THAP9: variants seen among roughly 807,000 people sequenced by gnomAD.
THAP9 encodes THAP domain containing 9.
Under a neutral mutation model 35.7 loss-of-function variants are expected in THAP9, and 20 were observed. The observed-to-expected ratio is 0.56, with a 90% CI of 0.39 to 0.81. The LOEUF (loss-of-function observed/expected upper bound fraction) is 0.81, where lower values mean the gene tolerates loss of function less well. THAP9 is among the 40% of genes least tolerant of loss of function. The pLI, the probability that THAP9 is intolerant of heterozygous loss-of-function variation, is 0.00. For missense variants in THAP9, 870 were observed against 1,047.4 expected (o/e 0.83, Z 2.34); for synonymous variants, 335 against 373.7 (o/e 0.90, Z 1.19).
intron 1 of THAP9, 173 bp downstream of exon 1, chr4:82,901,055 A>T: frequency 1.3e-6 from 1 of 793,910 alleles, no homozygotes; most frequent in East Asian, 2.7e-5. Flanking sequence ...GAGAATTGAG[A>T]TTCTCTCTCT....
chr4:82,917,865 G>T lies in THAP9; in HGVS notation c.1653G>T (p.Lys551Asn). 2 of 1,613,270 alleles carry T rather than the reference G, an allele frequency of 1.2e-6. No individual in the cohort carries two copies. The highest frequency in any genetic ancestry group is 1.7e-6 in the Non-Finnish European group (2 of 1,179,880). The change falls in exon 5 of 5, where the codon AAG (lysine) becomes AAT (asparagine). Residue 551 changes from lysine (K) to asparagine (N), a missense_variant. Transcript: ENST00000302236. ...SKINHVLIEA[K>N]TIFVTLSDTS... ...TAAACCACGTGTTAATTGAAGCCAA[G>T]ACTATTTTTGTTACATTATCTGACA...
intron 1 of THAP9, among the ~76,000 whole-genome samples, chr4:82,901,615 G>C (rs1720382591): frequency 6.6e-6 from 1 of 152,042 alleles, no homozygotes; most frequent in Non-Finnish European, 1.5e-5. Flanking sequence ...CAAATATAGA[G>C]GAGTGGAAAA....
At chr4:82,903,089 A>G (rs1211559469) in intron 1 of THAP9, among the ~76,000 whole-genome samples, 1 of 152,250 alleles carries the variant, frequency 6.6e-6, no homozygotes, top group East Asian at 1.9e-4. Flanking sequence ...CAGTTCTAGT[A>G]ACTATGTGTT....
intron 4 of THAP9, among the ~76,000 whole-genome samples, chr4:82,909,772 G>A (rs915680517): frequency 5.3e-5 from 8 of 151,866 alleles, no homozygotes; most frequent in African/African-American, 1.7e-4. Flanking sequence ...TTCACTTTTT[G>A]CTAAGCAAGA....
intron 3 of THAP9, among the ~76,000 whole-genome samples, chr4:82,907,376 G>A (rs1034237068): frequency 3.3e-5 from 5 of 151,692 alleles, no homozygotes; most frequent in Admixed American, 6.6e-5. Flanking sequence ...CTTGATATTA[G>A]GCAAGATGGT....
In THAP9 at chr4:82,917,843, A is replaced by G. The variant is rs1239424500; in HGVS notation, c.1631A>G (p.Asn544Ser). 1.9e-6 allele frequency: 3 copies of G among 1,613,358 alleles called. No homozygotes were observed. In the African/African-American group the frequency reaches 4.0e-5, roughly 22 times the overall value. The change falls in exon 5 of 5, where the codon AAC becomes AGC. Residue 544 changes from asparagine (N) to serine (S), a missense_variant. Coordinates refer to ENST00000302236, the MANE Select transcript of THAP9 (RefSeq NM_024672.6). ...TTGCCTGAAACTTACAGTAAAATAAACCACGTGTTAATTGAAGCCAAGACT... is the reference window on the plus strand; with the variant it reads ...TTGCCTGAAACTTACAGTAAAATAAGCCACGTGTTAATTGAAGCCAAGACT... ...PLLPETYSKI[N>S]HVLIEAKTIF...
In THAP9 at chr4:82,904,824, C is replaced by G. The variant is rs1378929867; in HGVS notation, c.169C>G (p.Pro57Ala). The G allele has an allele frequency of 6.2e-7, 1 of 1,613,994 alleles. No individual in the cohort carries two copies. ...AAGCAAAAAGATTTGGATTCCAGGA[C>G]CAGGTGCTATACTGTGTTCCAAACA... ...PRSKKIWIPG[P>A]GAILCSKHFQ... The change falls in exon 2 of 5, where the codon CCA becomes GCA. Residue 57 changes from proline to alanine, a missense_variant. Pro to Ala is a conservative substitution (Grantham distance 27). Around this residue, in one of 3 missense-constraint regions of THAP9, gnomAD observed 440 missense variants for 501.2 expected, o/e 0.88. Transcript: ENST00000302236.
rs547031856 is a variant in THAP9, at chr4:82,905,759, G to T, written c.277-565G>T. 35 of 406,652 alleles carry T rather than the reference G, an allele frequency of 8.6e-5. 1 individual carries two copies. The highest frequency in any genetic ancestry group is 7.1e-4 in the Middle Eastern group (2 of 2,814). The allele number at this position is 406,652 out of a possible 1,614,324, so 25.2% of individuals were successfully genotyped here. On this transcript the variant is annotated intron_variant, in intron 2 of 4. Coordinates refer to ENST00000302236, the MANE Select transcript of THAP9 (RefSeq NM_024672.6). ...GTGTAAAATCAATAATGGCTGCCAT[G>T]TGTTGAGAGCTACAATGGTCCAGGC...
At chr4:82,905,017 G>A in intron 2 of THAP9, 86 bp downstream of exon 2, 1 of 1,343,438 alleles carries the variant, frequency 7.4e-7, no homozygotes, top group Non-Finnish European at 1.0e-6. Context: ...GCTAGAATTT[G>A]CAGACAAAAA....
intron 3 of THAP9, among the ~76,000 whole-genome samples, chr4:82,907,342 A>G (rs1272268688): frequency 7.8e-6 from 1 of 127,544 alleles, no homozygotes; most frequent in East Asian, 2.0e-4. Flanking sequence ...AATCCCCACC[A>G]GGAACAGAAT....
chr4:82,916,779 T>C (rs1721045409), intron 4 of THAP9, among the ~76,000 whole-genome samples, 165 bp from the exon 5 acceptor site: 1 of 152,260 alleles, frequency 6.6e-6, no homozygotes, highest in Non-Finnish European at 1.5e-5. Flanking sequence ...TACTATTTTA[T>C]TGTAACGATG....
intron 4 of THAP9, among the ~76,000 whole-genome samples, 188 bp downstream of exon 4, chr4:82,908,123 C>T (rs1287518485): frequency 6.6e-6 from 1 of 152,114 alleles, no homozygotes; most frequent in East Asian, 1.9e-4. Context: ...AATGGACTCC[C>T]ATTATTAGCC....
At chr4:82,915,331 A>G (rs910661863) in intron 4 of THAP9, among the ~76,000 whole-genome samples, 4 of 152,144 alleles carry the variant, frequency 2.6e-5, no homozygotes, top group Non-Finnish European at 5.9e-5. Context: ...ATCTCGGCTC[A>G]CTGCAACCTC....
chr4:82,907,959 T>A lies in THAP9; in HGVS notation c.731+24T>A, dbSNP rs112782823. The A allele has an allele frequency of 8.6e-4, 1,372 of 1,603,264 alleles. 15 individuals carry two copies. In the African/African-American group the frequency reaches 0.016, roughly 19 times the overall value. On this transcript the variant is annotated intron_variant, in intron 4 of 4. Coordinates refer to ENST00000302236, the MANE Select transcript of THAP9 (RefSeq NM_024672.6). Reference sequence around the variant, plus strand: ...ACGTAAGTGAATTATTTTTTTATTTTTTAAAAGTGACTTTCTTGTCAGGAC... The same window carrying A: ...ACGTAAGTGAATTATTTTTTTATTTATTAAAAGTGACTTTCTTGTCAGGAC...
Position 82,917,177 on chromosome 4 carries a change from T to G in THAP9, c.965T>G (p.Val322Gly). The G allele has an allele frequency of 6.2e-7, 1 of 1,613,980 alleles. No individual in the cohort carries two copies. Among genetic ancestry groups the G allele is most frequent in the Non-Finnish European group, 8.5e-7 (1 of 1,179,928 alleles). Residue 322 changes from valine (V) to glycine (G), a missense_variant, in exon 5 of 5, where the codon GTT becomes GGT. Val to Gly is a moderately radical substitution (Grantham distance 109). This residue lies in a region of THAP9 where 440 missense variants were observed against 501.2 expected (regional missense o/e 0.88). Coordinates refer to ENST00000302236, the MANE Select transcript of THAP9 (RefSeq NM_024672.6). ...ADETPLASET[V>G]LLMAVGIFGH... Reference sequence around the variant, plus strand: ...GAAACGCCACTTGCTTCAGAAACTGTTTTGTTAATGGCAGTGGGTATTTTT... The same window carrying G: ...GAAACGCCACTTGCTTCAGAAACTGGTTTGTTAATGGCAGTGGGTATTTTT...
At chr4:82,909,440 G>GTGTA (rs10693899) in intron 4 of THAP9, among the ~76,000 whole-genome samples, 310 of 151,776 alleles carry the variant, frequency 2.0e-3, no homozygotes, top group African/African-American at 7.2e-3. Flanking sequence ...GTGTGTGTGT[G>GTGTA]CACTTAGATT....
At chr4:82,911,804 G>C (rs766903774) in intron 4 of THAP9, among the ~76,000 whole-genome samples, 3 of 152,166 alleles carry the variant, frequency 2.0e-5, no homozygotes, top group Admixed American at 6.5e-5. Context: ...GGGAAGAAAG[G>C]AGAAAATGTG....
At chr4:82,916,005 C>G (rs1721022491) in intron 4 of THAP9, among the ~76,000 whole-genome samples, 1 of 152,076 alleles carries the variant, frequency 6.6e-6, no homozygotes, top group Non-Finnish European at 1.5e-5. Flanking sequence ...AGCCCTATCC[C>G]AAAATACTTA....
At chr4:82,907,676 T>C in intron 3 of THAP9, 109 bp from the exon 4 acceptor site, 1 of 814,190 alleles carries the variant, frequency 1.2e-6, no homozygotes, top group Non-Finnish European at 1.9e-6. Flanking sequence ...AATGCAACTA[T>C]ATTTGTATTT....
Sources: allele counts gnomAD v4.1 joint callset (sites outside exome capture counted in the v4.1 genomes callset), GRCh38; gene constraint gnomAD v4.1.1; regional missense constraint gnomAD v4.1.1; transcripts MANE v1.5; gene names NCBI Gene and HGNC (gene_info 2026-07-23, HGNC 2026-07-21).